GMIP: variants seen among roughly 807,000 people sequenced by gnomAD.
GMIP encodes the protein GEM interacting protein.
GMIP carries 54 observed loss-of-function variants against 105.3 expected under a neutral mutation model. The ratio of observed to expected loss-of-function variants is 0.51; its 90% CI spans 0.41 to 0.64. The LOEUF (loss-of-function observed/expected upper bound fraction) is 0.64, where lower values mean the gene tolerates loss of function less well. Ranked by LOEUF, GMIP falls within the 30% of genes least tolerant of loss-of-function variation. GMIP has a pLI of 0.00. For synonymous variants in GMIP, 541 were observed against 560.8 expected, an observed-to-expected ratio of 0.96 and a Z score of 0.50; for missense variants, 1,110 against 1,319.4, an observed-to-expected ratio of 0.84 and a Z score of 2.46.
At chr19:19,639,244 C>CTT (rs556314426) in intron 7 of GMIP, among the ~76,000 whole-genome samples, 11 of 140,340 alleles carry the variant, frequency 7.8e-5, no homozygotes, top group Admixed American at 1.4e-4. Context: ...AATTAAAAAA[C>CTT]TTTTTTTTTT....
Position 19,637,415 on chromosome 19 carries a change from C to T in GMIP, c.1074G>A (p.Pro358=). 6.7e-7 allele frequency: 1 copy of T among 1,489,554 alleles called. No homozygotes were observed. Among genetic ancestry groups the T allele is most frequent in the Non-Finnish European group, 8.9e-7 (1 of 1,126,400 alleles). The allele number at this position is 1,489,554 out of a possible 1,614,324, so 92.3% of individuals were successfully genotyped here. Residue 358 remains proline, a synonymous_variant, in exon 11 of 21, where the codon CCG becomes CCA. Coordinates refer to ENST00000203556, the MANE Select transcript of GMIP (RefSeq NM_016573.4). This position sits in a 1 kb window ranked among gnomAD's most constrained non-coding sequence, Gnocchi z 6.7. Reference sequence around the variant, plus strand: ...GGAAGGAGAAGGCGGGCGGCGGGGGCGGCGGGGCCTCGGGCCGCAGCGCCC... The same window carrying T: ...GGAAGGAGAAGGCGGGCGGCGGGGGTGGCGGGGCCTCGGGCCGCAGCGCCC... ...FVRALRPEAP[P]PPPPAFSFQE... is the part of the protein sequence containing the mutation.
intron 6 of GMIP, 23 bp downstream of exon 6, chr19:19,640,273 C>T (rs907842448): frequency 2.5e-6 from 4 of 1,603,506 alleles, no homozygotes; most frequent in Middle Eastern, 1.7e-4. Flanking sequence ...TTGGGCTCTC[C>T]GGGGGGGTCT....
chr19:19,640,630 C>G, intron 4 of GMIP, 59 bp from the exon 5 acceptor site: 3 of 1,597,526 alleles, frequency 1.9e-6, no homozygotes, highest in Non-Finnish European at 2.6e-6. Flanking sequence ...GATGTCTTCC[C>G]TAAGCCCCCA....
In GMIP at chr19:19,636,795, C is replaced by T; in HGVS notation, c.1239G>A (p.Gly413=). 3 of 1,609,820 alleles carry T rather than the reference C, an allele frequency of 1.9e-6. No individual in the cohort carries two copies. Among genetic ancestry groups the T allele is most frequent in the Non-Finnish European group, 2.5e-6 (3 of 1,177,674 alleles). Residue 413 remains glycine (G), a splice_region_variant and synonymous_variant, in exon 13 of 21, where the codon GGG becomes GGA. Coordinates refer to ENST00000203556, the MANE Select transcript of GMIP (RefSeq NM_016573.4). ...EDPGTGWRWQ[G]TPGPTPGSDV... The stretch of plus-strand genomic sequence containing the variant: ...CGCTGCCCGGAGTGGGGCCTGGAGT[C>T]CCTAGGTGGCACAGGTCAATAAGGA...
intron 4 of GMIP, 106 bp from the exon 5 acceptor site, chr19:19,640,677 C>T: frequency 9.2e-7 from 1 of 1,083,542 alleles, no homozygotes. Flanking sequence ...AGCCTCACAG[C>T]TCCCCAAACA....
chr19:19,630,335 C>G lies in GMIP; in HGVS notation c.2541G>C (p.Val847=), dbSNP rs760929460. ...AEDTKDGGGE[V]SSQGPEDSLL... Reference sequence around the variant, plus strand: ...GTGAGTCCTCTGGGCCTTGGCTGGACACTGTGTACGGGGTGGGTGGTCAGT... The same window carrying G: ...GTGAGTCCTCTGGGCCTTGGCTGGAGACTGTGTACGGGGTGGGTGGTCAGT... Residue 847 remains valine, a splice_region_variant and synonymous_variant, in exon 21 of 21, where the codon GTG becomes GTC. Transcript: ENST00000203556. This position sits in a 1 kb window ranked among gnomAD's most constrained non-coding sequence, Gnocchi z 4.8. 2 of 1,540,498 alleles carry G rather than the reference C, an allele frequency of 1.3e-6. No homozygotes were observed. The highest frequency in any genetic ancestry group is 8.7e-7 in the Non-Finnish European group (1 of 1,143,278).
At position 19,634,250 on chromosome 19, in the gene GMIP, T is replaced by TA; in HGVS notation, c.2085-61dup. On this transcript the variant is annotated intron_variant, in intron 18 of 20. Transcript: ENST00000203556. This position sits in a 1 kb window ranked among gnomAD's most constrained non-coding sequence, Gnocchi z 6.1. ...GGATGCAAGCTCATTGGTCTGAGGGTAAGGGTGGGACACGCAGGCCAGCCT... is the reference window on the plus strand; with the variant it reads ...GGATGCAAGCTCATTGGTCTGAGGGTAAAGGGTGGGACACGCAGGCCAGCCT... 6.7e-7 allele frequency: 1 copy of TA among 1,493,904 alleles called. No individual in the cohort carries two copies. The highest frequency in any genetic ancestry group is 8.9e-7 in the Non-Finnish European group (1 of 1,119,012). 92.5% of individuals were successfully genotyped at this position (1,493,904 alleles called of 1,614,324 possible).
intron 19 of GMIP, among the ~76,000 whole-genome samples, chr19:19,631,197 T>C (rs563730495): frequency 1.3e-4 from 20 of 151,458 alleles, no homozygotes; most frequent in South Asian, 1.0e-3. Flanking sequence ...TGAGACTCCG[T>C]CTCAAAAATA....
intron 3 of GMIP, 45 bp downstream of exon 3, chr19:19,641,931 C>T (rs774238867): frequency 6.3e-7 from 1 of 1,598,724 alleles, no homozygotes; most frequent in East Asian, 2.2e-5. Flanking sequence ...CCTAAGGCCC[C>T]CTCTGCTTGA....
rs111785614 is a variant in GMIP at position 19,631,966 on chromosome 19, T to C, written c.2473-1429A>G. ...TGGCACCACTGCACTCTAGCCTGGG[T>C]GACAGAGCGAGACTCCATCTCAAAA... On this transcript the variant is annotated intron_variant, in intron 19 of 20. Transcript: ENST00000203556. Among the ~76,000 whole-genome samples, 1,055 of 142,618 alleles carry C rather than the reference T, an allele frequency of 7.4e-3. 13 individuals are homozygous for C. The highest frequency in any genetic ancestry group is 0.026 in the African/African-American group (967 of 37,904). The allele number at this position is 142,618 out of a possible 152,430, so 93.6% of individuals were successfully genotyped here.
intron 19 of GMIP, 74 bp downstream of exon 19, chr19:19,633,729 A>G: frequency 1.8e-6 from 2 of 1,087,618 alleles, no homozygotes; most frequent in Non-Finnish European, 2.5e-6. Flanking sequence ...AAAGGAAGGA[A>G]GGTGAAAGAG....
Position 19,630,610 on chromosome 19 carries a change from G to T in GMIP, c.2473-73C>A. 1 of 1,344,896 alleles carries T rather than the reference G, an allele frequency of 7.4e-7. No homozygotes were observed. The highest frequency in any genetic ancestry group is 1.1e-6 in the Non-Finnish European group (1 of 936,200). The allele number at this position is 1,344,896 out of a possible 1,614,324, so 83.3% of individuals were successfully genotyped here. Reference sequence around the variant, plus strand: ...TCTTTGAGATTCCTGGAGAGCCAAGGGCTTGTTCCTGGACATGCAAAAGGA... The same window carrying T: ...TCTTTGAGATTCCTGGAGAGCCAAGTGCTTGTTCCTGGACATGCAAAAGGA... On this transcript the variant is annotated intron_variant, in intron 19 of 20. Transcript: ENST00000203556. The surrounding 1 kb of genome is among the most constrained non-coding windows in gnomAD (Gnocchi z 4.8).
Position 19,634,179 on chromosome 19 carries a change from C to G in GMIP, c.2096G>C (p.Arg699Pro), listed in dbSNP as rs140486275. 2.9e-5 allele frequency: 46 copies of G among 1,597,252 alleles called. No homozygotes were observed. Among genetic ancestry groups the G allele is most frequent in the Non-Finnish European group, 3.7e-5 (43 of 1,169,654 alleles). The stretch of plus-strand genomic sequence containing the variant: ...GGCAGACATCTTGTTTTCCATAAAT[C>G]GTGCAGCCACCCTGGGGATGGTGTG... ...LVAHLFRVAA[R>P]FMENKMSANN... is the part of the protein sequence containing the mutation. Residue 699 changes from arginine (R) to proline (P), a missense_variant, in exon 19 of 21, where the codon CGA becomes CCA. Coordinates refer to ENST00000203556, the MANE Select transcript of GMIP (RefSeq NM_016573.4). This position sits in a 1 kb window ranked among gnomAD's most constrained non-coding sequence, Gnocchi z 6.1.
Position 19,638,178 on chromosome 19 carries a change from C to A in GMIP, c.770G>T (p.Arg257Leu), listed in dbSNP as rs746263768. Reference protein sequence around the residue: ...SKQQERRRRSREEAQAKAQEA... With the variant: ...SKQQERRRRSLEEAQAKAQEA... Reference sequence around the variant, plus strand: ...GCCCACCTTGGCCTGGGCCTCCTCTCGCGAGCGCCGCCGCCGCTCCTGCTG... The same window carrying A: ...GCCCACCTTGGCCTGGGCCTCCTCTAGCGAGCGCCGCCGCCGCTCCTGCTG... The change falls in exon 9 of 21, where the codon CGA becomes CTA. Residue 257 changes from arginine to leucine, a missense_variant. Arg to Leu is a moderately radical substitution (Grantham distance 102, BLOSUM62 -2). Coordinates refer to ENST00000203556, the MANE Select transcript of GMIP (RefSeq NM_016573.4). The A allele has an allele frequency of 5.7e-6, 9 of 1,584,724 alleles. No homozygotes were observed. Among genetic ancestry groups the A allele is most frequent in the South Asian group, 1.1e-5 (1 of 89,464 alleles).
chr19:19,638,584 G>A, intron 7 of GMIP, 102 bp from the exon 8 acceptor site: 2 of 948,456 alleles, frequency 2.1e-6, no homozygotes, highest in Admixed American at 2.6e-5. Context: ...TGCCACCTCT[G>A]GACTCTATTT....
At chr19:19,633,321 G>A (rs541952408) in intron 19 of GMIP, among the ~76,000 whole-genome samples, 2 of 152,256 alleles carry the variant, frequency 1.3e-5, no homozygotes, top group East Asian at 3.9e-4. Context: ...GCATCCCAAA[G>A]TGCTGGGATT....
chr19:19,636,756 C>A lies in GMIP; in HGVS notation c.1278G>T (p.Val426=). ...GPTPGSDVDS[V]GGGSESRSLD... ...GGGACCGAGACTCGCTGCCGCCACCCACGCTGTCCACATCGCTGCCCGGAG... is the reference window on the plus strand; with the variant it reads ...GGGACCGAGACTCGCTGCCGCCACCAACGCTGTCCACATCGCTGCCCGGAG... Residue 426 remains valine, a synonymous_variant, in exon 13 of 21, where the codon GTG becomes GTT. Coordinates refer to ENST00000203556, the MANE Select transcript of GMIP (RefSeq NM_016573.4). The A allele has an allele frequency of 6.2e-7, 1 of 1,613,702 alleles. No individual in the cohort carries two copies. The highest frequency in any genetic ancestry group is 1.1e-5 in the South Asian group (1 of 91,038).
At chr19:19,638,773 T>C (rs1431848938) in intron 7 of GMIP, among the ~76,000 whole-genome samples, 1 of 151,252 alleles carries the variant, frequency 6.6e-6, no homozygotes, top group Admixed American at 6.6e-5. Context: ...AAAAAACAAT[T>C]TCTTCTTTTT....
In GMIP at chr19:19,635,750, C is replaced by T; in HGVS notation, c.1328-29G>A. On this transcript the variant is annotated intron_variant, in intron 13 of 20. Coordinates refer to ENST00000203556, the MANE Select transcript of GMIP (RefSeq NM_016573.4). The surrounding 1 kb of genome is among the most constrained non-coding windows in gnomAD (Gnocchi z 4.7). ...GGGTCAGAGGAATCATGGGAGATTC[C>T]TGGGCTATGGGAGGCACTCCTGGTT... 6.3e-7 allele frequency: 1 copy of T among 1,597,624 alleles called. No homozygotes were observed. The highest frequency in any genetic ancestry group is 8.6e-7 in the Non-Finnish European group (1 of 1,165,274).
Sources: allele counts gnomAD v4.1 joint callset (sites outside exome capture counted in the v4.1 genomes callset), GRCh38; gene constraint gnomAD v4.1.1; non-coding constraint Gnocchi (gnomAD v3.1); transcripts MANE v1.5; gene names NCBI Gene and HGNC (gene_info 2026-07-23, HGNC 2026-07-21).